The following CSTPP1 variants were observed in gnomAD, a reference collection of about 807,000 sequenced individuals.
CSTPP1 encodes the protein centriolar satellite-associated tubulin polyglutamylase complex regulator 1.
the CSTPP1 span, among the ~76,000 whole-genome samples, chr11:47,104,827 G>T: frequency 6.6e-6 from 1 of 152,200 alleles, no homozygotes; most frequent in East Asian, 1.9e-4. Flanking sequence ...CCCCAGGAAT[G>T]CTGCAGGGTA....
chr11:47,127,110 G>A, the CSTPP1 span, among the ~76,000 whole-genome samples: 18 of 152,240 alleles, frequency 1.2e-4, no homozygotes, highest in South Asian at 2.1e-4. Flanking sequence ...ACATCATAGG[G>A]AGCCAGTCTG....
chr11:47,148,643 G>A, the CSTPP1 span, among the ~76,000 whole-genome samples: 2 of 152,160 alleles, frequency 1.3e-5, no homozygotes, highest in African/African-American at 4.8e-5. Flanking sequence ...ATTTTTATTT[G>A]CTCTTTTGGG....
chr11:46,974,620 C>A, the CSTPP1 span, among the ~76,000 whole-genome samples: 1 of 151,138 alleles, frequency 6.6e-6, no homozygotes, highest in Non-Finnish European at 1.5e-5. Context: ...GTGGGTGGTT[C>A]ACTTGAGATC....
At chr11:46,984,101 A>C in the CSTPP1 span, among the ~76,000 whole-genome samples, 2 of 152,236 alleles carry the variant, frequency 1.3e-5, no homozygotes, top group South Asian at 4.1e-4. Flanking sequence ...AATGGACCAT[A>C]TCTCTCAGGT....
the CSTPP1 span, among the ~76,000 whole-genome samples, chr11:47,008,471 A>G: frequency 2.0e-5 from 3 of 152,130 alleles, no homozygotes; most frequent in Admixed American, 1.3e-4. Flanking sequence ...TATGACAGTA[A>G]TGTTATATGA....
chr11:47,090,231 C>T, the CSTPP1 span, among the ~76,000 whole-genome samples: 5 of 152,138 alleles, frequency 3.3e-5, no homozygotes, highest in Non-Finnish European at 2.9e-5. Flanking sequence ...GTGATCCGCC[C>T]GCCTTGGCCT....
chr11:47,164,181 G>T, the CSTPP1 span: 2 of 1,613,826 alleles, frequency 1.2e-6, no homozygotes, highest in Admixed American at 3.3e-5. Context: ...AGAGAAGCAG[G>T]AGGCCCTGGA....
At chr11:47,035,271 T>G in the CSTPP1 span, among the ~76,000 whole-genome samples, 1 of 152,346 alleles carries the variant, frequency 6.6e-6, no homozygotes, top group East Asian at 1.9e-4. Flanking sequence ...TCTTGTAACG[T>G]CATGAATTTT....
the CSTPP1 span, among the ~76,000 whole-genome samples, chr11:46,973,068 A>G: frequency 6.6e-6 from 1 of 152,334 alleles, no homozygotes; most frequent in East Asian, 1.9e-4. Context: ...GTAAGGTTCA[A>G]TGAGATAATG....
the CSTPP1 span, among the ~76,000 whole-genome samples, chr11:46,991,884 G>A: frequency 6.6e-6 from 1 of 152,062 alleles, no homozygotes; most frequent in African/African-American, 2.4e-5. Flanking sequence ...GGGATTACAG[G>A]CACCCGCCAC....
chr11:46,958,833 GT>G, the CSTPP1 span, among the ~76,000 whole-genome samples: 1 of 152,196 alleles, frequency 6.6e-6, no homozygotes. Context: ...AAGCCTTGGT[GT>G]CCCAGGGCAA....
At chr11:47,051,286 A>G in the CSTPP1 span, among the ~76,000 whole-genome samples, 3 of 152,222 alleles carry the variant, frequency 2.0e-5, no homozygotes, top group Non-Finnish European at 1.5e-5. Flanking sequence ...TCACTCTGGT[A>G]GGGATGATTA....
chr11:46,959,505 T>G, the CSTPP1 span, among the ~76,000 whole-genome samples: 1 of 152,184 alleles, frequency 6.6e-6, no homozygotes, highest in African/African-American at 2.4e-5. Flanking sequence ...AACTTTACTA[T>G]GTAAGGTTGG....
the CSTPP1 span, among the ~76,000 whole-genome samples, chr11:47,078,739 T>C: frequency 6.6e-6 from 1 of 152,320 alleles, no homozygotes; most frequent in Admixed American, 6.5e-5. Context: ...GTGGCTTCAG[T>C]CTTCTCAAGA....
At chr11:46,994,264 T>G in the CSTPP1 span, among the ~76,000 whole-genome samples, 1 of 152,186 alleles carries the variant, frequency 6.6e-6, no homozygotes, top group African/African-American at 2.4e-5. Flanking sequence ...TTGAATACCC[T>G]TTATTTCCTT....
At chr11:47,163,944 C>T in the CSTPP1 span, 5 of 888,316 alleles carry the variant, frequency 5.6e-6, no homozygotes, top group Non-Finnish European at 8.4e-6. Context: ...CTGTACCCGG[C>T]GTTAAATATT....
chr11:47,063,564 A>C, the CSTPP1 span, among the ~76,000 whole-genome samples: 1 of 152,184 alleles, frequency 6.6e-6, no homozygotes, highest in Non-Finnish European at 1.5e-5. Context: ...ACATCAGATA[A>C]GTGTGTACAA....
chr11:47,085,311 A>T, the CSTPP1 span, among the ~76,000 whole-genome samples: 2 of 152,214 alleles, frequency 1.3e-5, no homozygotes, highest in Non-Finnish European at 2.9e-5. Context: ...GAATTGTGAC[A>T]CAATACTAAA....
chr11:46,951,159 A>T, the CSTPP1 span, among the ~76,000 whole-genome samples: 2 of 152,186 alleles, frequency 1.3e-5, no homozygotes, highest in Non-Finnish European at 2.9e-5. Flanking sequence ...TAAAGCCAGT[A>T]GTATTGTTAG....
Sources: gnomAD v4.1 joint callset for allele counts (sites outside exome capture counted in the v4.1 genomes callset) on GRCh38, gnomAD v4.1.1 for gene constraint, MANE v1.5 for transcripts, NCBI Gene and HGNC (gene_info 2026-07-23, HGNC 2026-07-21) for gene names.